The following HKDC1 variants were observed in gnomAD, a reference collection of about 807,000 sequenced individuals.
HKDC1 encodes hexokinase HKDC1.
Under a neutral mutation model 96.6 loss-of-function variants are expected in HKDC1, and 66 were observed. The observed-to-expected ratio is 0.68, with a 90% CI of 0.56 to 0.84. HKDC1 has a LOEUF of 0.84. HKDC1 is among the 40% of genes least tolerant of loss of function. The pLI is 0.00. For missense variants in HKDC1, 1,211 were observed against 1,208.1 expected (o/e 1.00, Z -0.04); for synonymous variants, 466 against 473.1 (o/e 0.98, Z 0.20).
intron 2 of HKDC1, among the ~76,000 whole-genome samples, chr10:69,230,202 C>G (rs888774531): frequency 6.6e-6 from 1 of 152,146 alleles, no homozygotes; most frequent in African/African-American, 2.4e-5. Context: ...AATACTGGAG[C>G]CTTCTCTGCC....
chr10:69,248,519 C>T lies in HKDC1; in HGVS notation c.1361C>T (p.Ala454Val). 6.2e-7 allele frequency: 1 copy of T among 1,613,518 alleles called. No individual in the cohort carries two copies. The highest frequency in any genetic ancestry group is 8.5e-7 in the Non-Finnish European group (1 of 1,179,576). Residue 454 changes from alanine (A) to valine (V), a missense_variant, in exon 10 of 18, where the codon GCC becomes GTC. By Grantham distance (64) the Ala-to-Val change is moderately conservative (BLOSUM62 0). Coordinates refer to ENST00000354624, the MANE Select transcript of HKDC1 (RefSeq NM_025130.4). ...LSESGSTKGA[A>V]MVTAVASRVQ... ...GAGAGTGGCAGCACCAAGGGGGCCG[C>T]CATGGTGACCGCGGTGGCCTCCCGC...
At chr10:69,220,983 C>A (rs1236811020) in intron 1 of HKDC1, among the ~76,000 whole-genome samples, 4 of 152,108 alleles carry the variant, frequency 2.6e-5, no homozygotes, top group Non-Finnish European at 5.9e-5. Context: ...AACCCCGTCT[C>A]AACTAAAAAT....
chr10:69,240,566 T>C lies in HKDC1; in HGVS notation c.592-86T>C, dbSNP rs1403565036. The C allele has an allele frequency of 5.4e-6, 6 of 1,117,192 alleles. No homozygotes were observed. In the Admixed American group the frequency reaches 7.0e-5, roughly 13 times the overall value. 69.2% of individuals were successfully genotyped at this position (1,117,192 alleles called of 1,614,324 possible). ...ATCTAGGGATGTCTCAGCAGCCACC[T>C]TCACTACCTGCTGCCTCTGTGGGGA... is the stretch of plus-strand genomic sequence containing the variant. On this transcript the variant is annotated intron_variant, in intron 5 of 17. Coordinates refer to ENST00000354624, the MANE Select transcript of HKDC1 (RefSeq NM_025130.4).
chr10:69,257,542 G>A, intron 14 of HKDC1, 116 bp downstream of exon 14: 2 of 839,526 alleles, frequency 2.4e-6, no homozygotes, highest in South Asian at 2.9e-5. Context: ...GCCCAAGGCA[G>A]AGATGAAGTT....
rs781250486 is a variant in HKDC1, at chr10:69,240,745, A to G, written c.685A>G (p.Ile229Val). ...CGACCCCTACTGCGAAGTTGGTGTC[A>G]TCATCGGTAACTCAATTGGACTGGT... ...YDDPYCEVGV[I>V]IGTGTNACYM... Residue 229 changes from isoleucine to valine, a missense_variant, in exon 6 of 18, where the codon ATC becomes GTC. Coordinates refer to ENST00000354624, the MANE Select transcript of HKDC1 (RefSeq NM_025130.4). 3.7e-5 allele frequency: 60 copies of G among 1,613,062 alleles called. 1 individual carries two copies. Among genetic ancestry groups the G allele is most frequent in the Non-Finnish European group, 4.6e-5 (54 of 1,179,110 alleles).
In HKDC1 at chr10:69,267,407, T is replaced by C. The variant is rs1370936294; in HGVS notation, c.*650T>C. ...CTGTAGGATTTTGTTCCTTATTAAG[T>C]GTGTGCCATGTGGTGGGGTGCTGTC... On this transcript the variant is annotated 3_prime_UTR_variant, in exon 18 of 18. Coordinates refer to ENST00000354624, the MANE Select transcript of HKDC1 (RefSeq NM_025130.4). 3.2e-5 allele frequency: 14 copies of C among 439,912 alleles called. No individual in the cohort carries two copies. Among genetic ancestry groups the C allele is most frequent in the Non-Finnish European group, 4.9e-5 (11 of 223,140 alleles). 27.3% of individuals were successfully genotyped at this position (439,912 alleles called of 1,614,324 possible).
intron 1 of HKDC1, among the ~76,000 whole-genome samples, chr10:69,225,376 C>G (rs1434868501): frequency 6.6e-6 from 1 of 152,226 alleles, no homozygotes; most frequent in Non-Finnish European, 1.5e-5. Context: ...GTTTTCTCGG[C>G]TTGTGTGTGG....
At chr10:69,257,687 G>GA (rs556633751) in intron 14 of HKDC1, among the ~76,000 whole-genome samples, 1 of 141,076 alleles carries the variant, frequency 7.1e-6, no homozygotes, top group Admixed American at 6.8e-5. Context: ...AATTGTCATG[G>GA]GGGGGGGAAG....
In HKDC1 at chr10:69,266,832, C is replaced by A; in HGVS notation, c.*75C>A. The A allele has an allele frequency of 6.8e-7, 1 of 1,461,354 alleles. No individual in the cohort carries two copies. Among genetic ancestry groups the A allele is most frequent in the African/African-American group, 1.4e-5 (1 of 70,942 alleles). 90.5% of individuals were successfully genotyped at this position (1,461,354 alleles called of 1,614,324 possible). A position where few individuals can be genotyped will look rare whatever the true frequency, so the allele number is the denominator to read the frequency against. On this transcript the variant is annotated 3_prime_UTR_variant, in exon 18 of 18. Transcript: ENST00000354624. ...CTCTGGCAGATCAGTTGGTCAGAGACCAATGGGCACCCTCCTGGCTGACCT... is the reference window on the plus strand; with the variant it reads ...CTCTGGCAGATCAGTTGGTCAGAGAACAATGGGCACCCTCCTGGCTGACCT...
intron 1 of HKDC1, among the ~76,000 whole-genome samples, chr10:69,224,729 C>G (rs971674169): frequency 1.3e-5 from 2 of 152,222 alleles, no homozygotes; most frequent in African/African-American, 4.8e-5. Context: ...TAAGGCCCCT[C>G]CAGCTCCCAC....
At chr10:69,224,016 C>T (rs973028710) in intron 1 of HKDC1, among the ~76,000 whole-genome samples, 1 of 150,972 alleles carries the variant, frequency 6.6e-6, no homozygotes, top group South Asian at 2.1e-4. Flanking sequence ...CGAGACCAGC[C>T]TGGATAACAT....
chr10:69,256,957 T>C, intron 12 of HKDC1, 79 bp from the exon 13 acceptor site: 1 of 1,068,630 alleles, frequency 9.4e-7, no homozygotes, highest in Non-Finnish European at 1.5e-6. Context: ...CTATAGTGCT[T>C]TGCATCTGTT....
intron 1 of HKDC1, among the ~76,000 whole-genome samples, chr10:69,221,586 C>A (rs1843064563): frequency 6.6e-6 from 1 of 152,124 alleles, no homozygotes; most frequent in South Asian, 2.1e-4. Context: ...CTGACTCTTC[C>A]TTCAATGCTT....
chr10:69,265,717 T>C lies in HKDC1; in HGVS notation c.2505T>C (p.Ala835=). 1.2e-6 allele frequency: 2 copies of C among 1,613,430 alleles called. No homozygotes were observed. The highest frequency in any genetic ancestry group is 1.7e-6 in the Non-Finnish European group (2 of 1,179,852). ...VSRRAAQLCG[A]GLAAIVEKRR... Reference sequence around the variant, plus strand: ...GGCGGGCGGCCCAGCTCTGCGGTGCTGGCCTGGCCGCTATAGTGGAAAAAA... The same window carrying C: ...GGCGGGCGGCCCAGCTCTGCGGTGCCGGCCTGGCCGCTATAGTGGAAAAAA... Residue 835 remains alanine, a synonymous_variant, in exon 17 of 18, where the codon GCT becomes GCC. Coordinates refer to ENST00000354624, the MANE Select transcript of HKDC1 (RefSeq NM_025130.4).
rs1460754596 is a variant in HKDC1 at position 69,266,644 on chromosome 10, C to G, written c.2641C>G (p.Leu881Val). 6.2e-7 allele frequency: 1 copy of G among 1,614,048 alleles called. No homozygotes were observed. The highest frequency in any genetic ancestry group is 8.5e-7 in the Non-Finnish European group (1 of 1,179,994). Residue 881 changes from leucine (L) to valine (V), a missense_variant, in exon 18 of 18, where the codon CTA (leucine) becomes GTA (valine). Leu to Val is a conservative substitution (Grantham distance 32). Transcript: ENST00000354624. ...SRILQETVKE[L>V]APRCDVTFML... ...AATATTGCAGGAAACTGTGAAGGAA[C>G]TAGCCCCTCGATGTGATGTGACATT...
intron 15 of HKDC1, 104 bp from the exon 16 acceptor site, chr10:69,261,035 A>T: frequency 2.0e-6 from 2 of 1,008,154 alleles, no homozygotes; most frequent in Non-Finnish European, 1.5e-6. Flanking sequence ...CAGAGCTAGG[A>T]TCTGGATCTT....
chr10:69,233,200 CAG>C, intron 4 of HKDC1, 67 bp downstream of exon 4: 1 of 1,596,874 alleles, frequency 6.3e-7, no homozygotes, highest in Non-Finnish European at 8.5e-7. Flanking sequence ...GGGTGGGAGT[CAG>C]GCTGCACGCA....
chr10:69,243,339 C>A lies in HKDC1; in HGVS notation c.849C>A (p.Leu283=). Reference sequence around the variant, plus strand: ...CTGAGTTCGACAGGGAGCTGGACCTCGGCTCTCTCAACCCAGGAAAGCAAC... The same window carrying A: ...CTGAGTTCGACAGGGAGCTGGACCTAGGCTCTCTCAACCCAGGAAAGCAAC... ...IRTEFDRELD[L]GSLNPGKQLF... is the part of the protein sequence containing the mutation. The change falls in exon 7 of 18, where the codon CTC becomes CTA. Residue 283 remains leucine, a synonymous_variant. Coordinates refer to ENST00000354624, the MANE Select transcript of HKDC1 (RefSeq NM_025130.4). The A allele has an allele frequency of 6.2e-7, 1 of 1,600,412 alleles. No individual in the cohort carries two copies. Among genetic ancestry groups the A allele is most frequent in the South Asian group, 1.1e-5 (1 of 88,840 alleles).
rs755086158 is a variant in HKDC1 at position 69,250,391 on chromosome 10, A to G, written c.1672A>G (p.Ile558Val). 4.1e-5 allele frequency: 66 copies of G among 1,613,916 alleles called. No homozygotes were observed. In the Middle Eastern group the frequency reaches 4.9e-4, roughly 12 times the overall value. Residue 558 changes from isoleucine (I) to valine (V), a missense_variant, in exon 11 of 18, where the codon ATC becomes GTC. By Grantham distance (29) the Ile-to-Val change is conservative. Coordinates refer to ENST00000354624, the MANE Select transcript of HKDC1 (RefSeq NM_025130.4). ...GRRSVRMYNK[I>V]FAIPLEIMQG... is the part of the protein sequence containing the mutation. The stretch of plus-strand genomic sequence containing the variant: ...GAGGTCAGTGCGAATGTACAACAAG[A>G]TCTTCGCCATCCCCCTGGAGATCAT...
Sources: gnomAD v4.1 joint callset for allele counts (sites outside exome capture counted in the v4.1 genomes callset) on GRCh38, gnomAD v4.1.1 for gene constraint, MANE v1.5 for transcripts, NCBI Gene and HGNC (gene_info 2026-07-23, HGNC 2026-07-21) for gene names.